The following VPS33A variants were observed in gnomAD, a reference collection of about 807,000 sequenced individuals.
VPS33A encodes the protein VPS33A core subunit of CORVET and HOPS complexes, also known as vacuolar protein sorting-associated protein 33A.
VPS33A carries 32 observed loss-of-function variants against 71.8 expected under a neutral mutation model. The observed-to-expected ratio is 0.45, with a 90% CI of 0.34 to 0.60. The LOEUF (loss-of-function observed/expected upper bound fraction) is 0.60, where lower values mean the gene tolerates loss of function less well. VPS33A is among the 20% of genes least tolerant of loss of function. VPS33A has a pLI of 0.02. For synonymous variants in VPS33A, 311 were observed against 292.7 expected (o/e 1.06, Z -0.64); for missense variants, 625 against 748.5 (o/e 0.84, Z 1.92).
chr12:122,243,537 C>T (rs1954741116), intron 7 of VPS33A, among the ~76,000 whole-genome samples: 2 of 152,338 alleles, frequency 1.3e-5, no homozygotes, highest in African/African-American at 4.8e-5. Flanking sequence ...CTGTGCCTGG[C>T]CTGAACCTTA....
chr12:122,235,969 T>A (rs758295474), intron 10 of VPS33A, 46 bp from the exon 11 acceptor site: 1 of 1,556,180 alleles, frequency 6.4e-7, no homozygotes, highest in African/African-American at 1.4e-5. Flanking sequence ...AGGAAAAGGA[T>A]TTCTGCAATT....
Position 122,232,960 on chromosome 12 carries a change from C to T in VPS33A, c.1449G>A (p.Thr483=), listed in dbSNP as rs375269405. 50 of 1,598,538 alleles carry T rather than the reference C, an allele frequency of 3.1e-5. No homozygotes were observed. The African/African-American group carries it at 4.8e-4, about 15-fold the overall frequency. ...WMDDVNEQNP[T]DISYVYSGYA... The stretch of plus-strand genomic sequence containing the variant: ...ACCCACTGTACACATACGATATGTC[C>T]GTGGGGTTCTGTGAGATAATTAAAG... Residue 483 remains threonine, a synonymous_variant, in exon 12 of 13, where the codon ACG becomes ACA. Coordinates refer to ENST00000267199, the MANE Select transcript of VPS33A (RefSeq NM_022916.6).
intron 3 of VPS33A, among the ~76,000 whole-genome samples, 196 bp from the exon 4 acceptor site, chr12:122,261,643 C>T (rs1176156023): frequency 2.6e-5 from 4 of 152,084 alleles, no homozygotes; most frequent in Non-Finnish European, 1.5e-5. Flanking sequence ...CCAAGGCGGG[C>T]GGATCAGTTG....
At position 122,231,892 on chromosome 12, in the gene VPS33A, A is replaced by C; in HGVS notation, c.*354T>G. 1 of 369,420 alleles carries C rather than the reference A, an allele frequency of 2.7e-6. No homozygotes were observed. Among genetic ancestry groups the C allele is most frequent in the East Asian group, 3.9e-5 (1 of 25,754 alleles). 22.9% of individuals were successfully genotyped at this position (369,420 alleles called of 1,614,324 possible). On this transcript the variant is annotated 3_prime_UTR_variant, in exon 13 of 13. Transcript: ENST00000267199. ...GCCAACATGGTGAAACACCATGGCT[A>C]CTAAAAATACAAAAATTAGCCGGGT...
chr12:122,266,466 G>A lies in VPS33A; in HGVS notation c.-58C>T. Reference sequence around the variant, plus strand: ...ACCGAGTCCGCCGGTTCCTACGGGAGGACCACGGACGCAGTCACGTGACCA... The same window carrying A: ...ACCGAGTCCGCCGGTTCCTACGGGAAGACCACGGACGCAGTCACGTGACCA... On this transcript the variant is annotated 5_prime_UTR_variant, in exon 1 of 13. Coordinates refer to ENST00000267199, the MANE Select transcript of VPS33A (RefSeq NM_022916.6). 6 of 1,575,142 alleles carry A rather than the reference G, an allele frequency of 3.8e-6. No homozygotes were observed. The highest frequency in any genetic ancestry group is 1.1e-5 in the South Asian group (1 of 88,784).
intron 4 of VPS33A, among the ~76,000 whole-genome samples, chr12:122,256,451 G>A (rs1440456678): frequency 6.6e-6 from 1 of 151,968 alleles, no homozygotes; most frequent in East Asian, 1.9e-4. Context: ...GCGCGTTCCT[G>A]TAATCCCAGC....
Position 122,231,947 on chromosome 12 carries a change from C to G in VPS33A, c.*299G>C, listed in dbSNP as rs1037054543. On this transcript the variant is annotated 3_prime_UTR_variant, in exon 13 of 13. Coordinates refer to ENST00000267199, the MANE Select transcript of VPS33A (RefSeq NM_022916.6). The stretch of plus-strand genomic sequence containing the variant: ...TGGTGCATGCCTGTAGTCCCAGCTA[C>G]TCAGGAGGCTGAGGCAGGAGAATTG... 2.5e-6 allele frequency: 1 copy of G among 401,354 alleles called. No individual in the cohort carries two copies. Among genetic ancestry groups the G allele is most frequent in the Non-Finnish European group, 4.4e-6 (1 of 228,762 alleles). 24.9% of individuals were successfully genotyped at this position (401,354 alleles called of 1,614,324 possible).
In VPS33A at chr12:122,237,534, C is replaced by CTT. The variant is rs59918502; in HGVS notation, c.1302+1051_1302+1052dup. Among the ~76,000 whole-genome samples, 607 of 111,730 alleles carry CTT rather than the reference C, an allele frequency of 5.4e-3. 12 individuals carry two copies. The highest frequency in any genetic ancestry group is 0.049 in the East Asian group (165 of 3,364). The allele number at this position is 111,730 out of a possible 152,430, so 73.3% of individuals were successfully genotyped here. A position where few individuals can be genotyped will look rare whatever the true frequency, so the allele number is the denominator to read the frequency against. ...ACAAATGAATGCACATAAAGTTTTT[C>CTT]TTTTTTTTTTTTTTTTTTTTGAGAC... On this transcript the variant is annotated intron_variant, in intron 10 of 12. Coordinates refer to ENST00000267199, the MANE Select transcript of VPS33A (RefSeq NM_022916.6).
chr12:122,253,065 C>G (rs1763925663), intron 4 of VPS33A: 1 of 152,160 alleles, frequency 6.6e-6, no homozygotes, highest in Non-Finnish European at 1.5e-5. Context: ...TTGTCAGGCC[C>G]TCTGCCCCAG....
chr12:122,246,040 T>C (rs1006971863), intron 6 of VPS33A, among the ~76,000 whole-genome samples: 4 of 152,194 alleles, frequency 2.6e-5, no homozygotes, highest in African/African-American at 9.7e-5. Context: ...AGTGAGTCCC[T>C]ATTTTCCTGG....
chr12:122,238,629 G>T lies in VPS33A; in HGVS notation c.1260C>A (p.Leu420=). Residue 420 remains leucine, a synonymous_variant, in exon 10 of 13, where the codon CTC becomes CTA. Transcript: ENST00000267199. ...TGTAATAATCCAAAACTTTTTGTTT[G>T]AGCCCACTATTACACACGGATTGGA... ...VCLQSVCNSG[L]KQKVLDYYKR... 1 of 1,611,642 alleles carries T rather than the reference G, an allele frequency of 6.2e-7. No individual in the cohort carries two copies. The highest frequency in any genetic ancestry group is 8.5e-7 in the Non-Finnish European group (1 of 1,179,372).
At chr12:122,259,446 C>A (rs1341388320) in intron 4 of VPS33A, among the ~76,000 whole-genome samples, 1 of 152,018 alleles carries the variant, frequency 6.6e-6, no homozygotes, top group South Asian at 2.1e-4. Context: ...CTTGAACTCC[C>A]AACCTCAAGT....
At chr12:122,265,913 T>A (rs1307669497) in intron 1 of VPS33A, among the ~76,000 whole-genome samples, 1 of 152,192 alleles carries the variant, frequency 6.6e-6, no homozygotes, top group Non-Finnish European at 1.5e-5. Flanking sequence ...AAGGTGCAGG[T>A]GTTTCAAGAG....
chr12:122,265,816 C>T, intron 1 of VPS33A: 3 of 424,244 alleles, frequency 7.1e-6, no homozygotes, highest in South Asian at 3.2e-5. Context: ...AAGGGTGCTA[C>T]TAGAGAAGTT....
At chr12:122,257,019 T>C (rs1218125392) in intron 4 of VPS33A, among the ~76,000 whole-genome samples, 1 of 152,032 alleles carries the variant, frequency 6.6e-6, no homozygotes, top group Non-Finnish European at 1.5e-5. Flanking sequence ...TGTACAAAAG[T>C]GGGGAGGGAT....
chr12:122,253,075 G>A (rs1237554397), intron 4 of VPS33A: 1 of 152,242 alleles, frequency 6.6e-6, no homozygotes, highest in African/African-American at 2.4e-5. Flanking sequence ...CTCTGCCCCA[G>A]GGAGGAAGGA....
Position 122,230,236 on chromosome 12 carries a change from A to G in VPS33A, c.*2010T>C, listed in dbSNP as rs1277592090. On this transcript the variant is annotated 3_prime_UTR_variant, in exon 13 of 13. Transcript: ENST00000267199. ...TTCTTTCATTAAAGAGATTTTTAAAAAAGTATACAGAATTTCTCTTTCATT... is the reference window on the plus strand; with the variant it reads ...TTCTTTCATTAAAGAGATTTTTAAAGAAGTATACAGAATTTCTCTTTCATT... 1 of 152,240 alleles carries G rather than the reference A, an allele frequency of 6.6e-6. No homozygotes were observed. The highest frequency in any genetic ancestry group is 1.9e-4 in the East Asian group (1 of 5,206). The allele number at this position is 152,240 out of a possible 1,614,324, so 9.4% of individuals were successfully genotyped here.
At chr12:122,249,149 T>C (rs1566045327) in intron 6 of VPS33A, 1 of 152,216 alleles carries the variant, frequency 6.6e-6, no homozygotes, top group South Asian at 2.1e-4. Flanking sequence ...TGCAGACACA[T>C]ATATAACAAC....
chr12:122,247,095 G>GT (rs1409458379), intron 6 of VPS33A, among the ~76,000 whole-genome samples: 1 of 152,156 alleles, frequency 6.6e-6, no homozygotes, highest in Non-Finnish European at 1.5e-5. Flanking sequence ...TTGTCCCAAG[G>GT]TTTGGGGCCA....
Sources: gnomAD v4.1 joint callset for allele counts (sites outside exome capture counted in the v4.1 genomes callset) on GRCh38, gnomAD v4.1.1 for gene constraint, MANE v1.5 for transcripts, NCBI Gene and HGNC (gene_info 2026-07-23, HGNC 2026-07-21) for gene names.